CFAP20DC: variants seen among roughly 807,000 people sequenced by gnomAD.
CFAP20DC encodes the protein protein CFAP20DC.
A neutral mutation model predicts 101.7 loss-of-function variants in CFAP20DC; 84 were observed. That is an observed-to-expected ratio of 0.83 (90% CI 0.69 to 0.99). The LOEUF (loss-of-function observed/expected upper bound fraction) is 0.99. Among genes scored for constraint, CFAP20DC ranks in the 50% least tolerant of loss-of-function variants. CFAP20DC has a pLI of 0.00. For missense variants in CFAP20DC, 1,007 were observed against 970.3 expected (o/e 1.04, Z -0.50); for synonymous variants, 359 against 351.2 (o/e 1.02, Z -0.25).
At chr3:58,981,802 G>A (rs2092559247) in intron 4 of CFAP20DC, among the ~76,000 whole-genome samples, 1 of 152,098 alleles carries the variant, frequency 6.6e-6, no homozygotes, top group Non-Finnish European at 1.5e-5. Context: ...CATGGGCAAG[G>A]ACTTCATGTC....
chr3:59,036,402 C>T (rs184719973), intron 4 of CFAP20DC, among the ~76,000 whole-genome samples: 29 of 152,230 alleles, frequency 1.9e-4, no homozygotes, highest in Admixed American at 9.2e-4. Flanking sequence ...AAAACCCCAT[C>T]GTCTCAGCCC....
chr3:58,838,736 A>C (rs2076904808), intron 13 of CFAP20DC, among the ~76,000 whole-genome samples: 1 of 152,224 alleles, frequency 6.6e-6, no homozygotes, highest in South Asian at 2.1e-4. Context: ...AATAGAGCTG[A>C]ACTCTTATTA....
chr3:58,738,081 A>G (rs1406996039), downstream of CFAP20DC, among the ~76,000 whole-genome samples: 1 of 152,212 alleles, frequency 6.6e-6, no homozygotes, highest in Non-Finnish European at 1.5e-5. This position sits in a 1 kb window ranked among gnomAD's most constrained non-coding sequence, Gnocchi z 4.4. Context: ...CTTGACAAGA[A>G]TTCTCTTTAT....
chr3:58,931,625 C>A (rs1463560324), intron 5 of CFAP20DC, among the ~76,000 whole-genome samples: 2 of 152,198 alleles, frequency 1.3e-5, no homozygotes, highest in Non-Finnish European at 2.9e-5. Flanking sequence ...TGAAAATCTG[C>A]TGTTCTGCAG....
intron 6 of CFAP20DC, among the ~76,000 whole-genome samples, chr3:58,896,718 T>A (rs1282371541): frequency 6.6e-6 from 1 of 152,222 alleles, no homozygotes; most frequent in African/African-American, 2.4e-5. Context: ...AATTTTGAGT[T>A]CTAATTTGGT....
intron 7 of CFAP20DC, among the ~76,000 whole-genome samples, chr3:58,883,489 T>TTATC (rs2081372336): frequency 6.6e-6 from 1 of 152,204 alleles, no homozygotes; most frequent in Non-Finnish European, 1.5e-5. Context: ...CTCAGTAAAC[T>TTATC]TATCTACCCA....
intron 5 of CFAP20DC, among the ~76,000 whole-genome samples, chr3:58,925,742 G>C (rs574356458): frequency 2.6e-5 from 4 of 152,236 alleles, no homozygotes; most frequent in Admixed American, 2.6e-4. Context: ...TAACTGTTGA[G>C]GAAACTAAAT....
Position 58,822,891 on chromosome 3 carries a change from A to G in CFAP20DC, c.2175+8795T>C, listed in dbSNP as rs1358311316. 2.0e-5 allele frequency among the ~76,000 whole-genome samples: 3 copies of G among 152,182 alleles called. No individual in the cohort carries two copies. The South Asian group carries it at 6.2e-4, about 32-fold the overall frequency. On this transcript the variant is annotated intron_variant, in intron 14 of 16. Coordinates refer to ENST00000482387, the MANE Select transcript of CFAP20DC (RefSeq NM_001394063.1). ...TTCTGAACACCCCCTGGAGCAGGTC[A>G]TAAGATACTCATTTGAGAGATGCCG...
intron 5 of CFAP20DC, among the ~76,000 whole-genome samples, chr3:58,919,449 A>G (rs182505556): frequency 6.6e-6 from 1 of 152,302 alleles, no homozygotes; most frequent in East Asian, 1.9e-4. Context: ...ATCATGAGGT[A>G]TAAGTAATTT....
At chr3:58,917,286 A>AAC (rs200310077) in intron 5 of CFAP20DC, among the ~76,000 whole-genome samples, 30 of 151,674 alleles carry the variant, frequency 2.0e-4, no homozygotes, top group Admixed American at 1.1e-3. Flanking sequence ...AAATTCTGTG[A>AAC]ACACACACAC....
At chr3:58,731,764 T>C (rs2067650272) in intron 3 of CFAP20DC, among the ~76,000 whole-genome samples, 2 of 152,214 alleles carry the variant, frequency 1.3e-5, no homozygotes, top group Admixed American at 6.5e-5. Context: ...AAAATATTTT[T>C]CAAGCTGCAA....
At chr3:58,967,755 A>G (rs1310212747) in intron 4 of CFAP20DC, among the ~76,000 whole-genome samples, 2 of 152,182 alleles carry the variant, frequency 1.3e-5, no homozygotes, top group African/African-American at 4.8e-5. Context: ...AAGGTTTGTT[A>G]CATAGGTAAA....
At chr3:58,719,148 TAGG>T (rs998212134) in intron 3 of CFAP20DC, among the ~76,000 whole-genome samples, 2 of 151,760 alleles carry the variant, frequency 1.3e-5, no homozygotes, top group African/African-American at 4.8e-5. Context: ...GGAGGCTGAG[TAGG>T]AGGATTGCTT....
chr3:58,833,182 G>C (rs1305395186), intron 13 of CFAP20DC, among the ~76,000 whole-genome samples: 1 of 152,090 alleles, frequency 6.6e-6, no homozygotes, highest in Admixed American at 6.6e-5. Context: ...GTTTATAAAA[G>C]CTTGTTATCT....
At chr3:58,949,287 G>A (rs947781915) in intron 4 of CFAP20DC, among the ~76,000 whole-genome samples, 82 of 152,064 alleles carry the variant, frequency 5.4e-4, no homozygotes, top group African/African-American at 1.7e-3. Context: ...ATTTCCTTCA[G>A]TTCTGCTCTG....
chr3:58,870,091 C>A (rs1157563235), intron 8 of CFAP20DC, 82 bp downstream of exon 8: 2 of 1,034,814 alleles, frequency 1.9e-6, no homozygotes, highest in Non-Finnish European at 2.9e-6. Context: ...CTTTCCCTCC[C>A]TCCCTCCCTC....
chr3:58,785,615 A>G (rs2072260708), intron 15 of CFAP20DC, among the ~76,000 whole-genome samples: 1 of 152,122 alleles, frequency 6.6e-6, no homozygotes, highest in African/African-American at 2.4e-5. Flanking sequence ...AAGGATACAC[A>G]TAGAATGAAG....
chr3:58,847,763 A>G (rs2077813846), intron 13 of CFAP20DC, among the ~76,000 whole-genome samples: 1 of 121,908 alleles, frequency 8.2e-6, no homozygotes, highest in Non-Finnish European at 1.7e-5. Flanking sequence ...ACTTGGAACC[A>G]ACCCAAATGT....
At chr3:58,888,836 TG>T (rs1242007784) in intron 6 of CFAP20DC, among the ~76,000 whole-genome samples, 4 of 152,256 alleles carry the variant, frequency 2.6e-5, no homozygotes, top group African/African-American at 9.6e-5. Context: ...TACCTAGTAA[TG>T]GGATTGCTGG....
Sources: allele counts gnomAD v4.1 joint callset (sites outside exome capture counted in the v4.1 genomes callset), GRCh38; gene constraint gnomAD v4.1.1; non-coding constraint Gnocchi (gnomAD v3.1); transcripts MANE v1.5; gene names NCBI Gene and HGNC (gene_info 2026-07-23, HGNC 2026-07-21).